The following COA6 variants were observed in gnomAD, a reference collection of about 807,000 sequenced individuals.
COA6 encodes the protein cytochrome c oxidase assembly factor 6.
Under a neutral mutation model 17.1 loss-of-function variants are expected in COA6, and 12 were observed. The ratio of observed to expected loss-of-function variants is 0.70; its 90% CI spans 0.45 to 1.14. The LOEUF (loss-of-function observed/expected upper bound fraction) is 1.14. COA6 is among the 50% of genes most tolerant of loss of function. COA6 has a pLI of 0.00. For synonymous variants in COA6, 90 were observed against 73.4 expected (o/e 1.23, Z -1.16); for missense variants, 246 against 196.5 (o/e 1.25, Z -1.51).
chr1:234,377,713 A>G (rs1658850368), intron 2 of COA6, among the ~76,000 whole-genome samples: 1 of 152,182 alleles, frequency 6.6e-6, no homozygotes, highest in Non-Finnish European at 1.5e-5. Flanking sequence ...TGTGCCTGCC[A>G]GTCATTGGCA....
In COA6 at chr1:234,380,602, T is replaced by A. The variant is rs924068191; in HGVS notation, c.373-3121T>A. Among the ~76,000 whole-genome samples, 3 of 152,358 alleles carry A rather than the reference T, an allele frequency of 2.0e-5. No individual in the cohort carries two copies. The East Asian group carries it at 5.8e-4, about 29-fold the overall frequency. On this transcript the variant is annotated intron_variant, in intron 2 of 2. Coordinates refer to ENST00000366615, the MANE Select transcript of COA6 (RefSeq NM_001206641.3). ...ATCCCAAAACACCAAAAATACATGC[T>A]TATTACAAAATAAATATGCCATACA...
At chr1:234,376,264 TC>T (rs11285466) in intron 2 of COA6, among the ~76,000 whole-genome samples, 70,296 of 151,876 alleles carry the variant, frequency 0.46, 17,969 homozygotes, top group African/African-American at 0.68. Context: ...CTCCCACACT[TC>T]CGGGGCAGCT....
Position 234,374,288 on chromosome 1 carries a change from G to T in COA6, c.271G>T (p.Ala91Ser), listed in dbSNP as rs779445784. 11 of 1,613,990 alleles carry T rather than the reference G, an allele frequency of 6.8e-6. No homozygotes were observed. Among genetic ancestry groups the T allele is most frequent in the Non-Finnish European group, 9.3e-6 (11 of 1,180,006 alleles). Reference protein sequence around the residue: ...SMKERQVCWGARDEYWKCLDE... With the variant: ...SMKERQVCWGSRDEYWKCLDE... ...GAAGGAAAGACAGGTCTGCTGGGGG[G>T]CCCGGGATGAGTACTGGAAGTGTTT... The change falls in exon 2 of 3, where the codon GCC becomes TCC. Residue 91 changes from alanine to serine, a missense_variant. Physicochemically the swap from Ala to Ser is moderately conservative, Grantham distance 99. Transcript: ENST00000366615.
chr1:234,375,956 C>G (rs1294516010), intron 2 of COA6, among the ~76,000 whole-genome samples: 1 of 152,170 alleles, frequency 6.6e-6, no homozygotes, highest in Non-Finnish European at 1.5e-5. Context: ...CACGTCTGGC[C>G]AGGCATTGCT....
intron 1 of COA6, chr1:234,373,889 G>T (rs2103015040): frequency 1.3e-6 from 2 of 1,584,140 alleles, no homozygotes; most frequent in South Asian, 2.2e-5. Context: ...CCGCTTTACT[G>T]GTGGGAAACG....
chr1:234,374,481 C>T, intron 2 of COA6, 92 bp downstream of exon 2: 1 of 1,303,514 alleles, frequency 7.7e-7, no homozygotes, highest in Non-Finnish European at 1.1e-6. Flanking sequence ...CTCTCTGAGG[C>T]ATGTCAATTA....
chr1:234,383,168 C>T (rs1412454451), intron 2 of COA6, among the ~76,000 whole-genome samples: 2 of 151,982 alleles, frequency 1.3e-5, no homozygotes, highest in East Asian at 1.9e-4. Context: ...ACTCTGAACT[C>T]GCCAGCAAGC....
chr1:234,379,363 C>T (rs1022509268), intron 2 of COA6, among the ~76,000 whole-genome samples: 2 of 151,952 alleles, frequency 1.3e-5, no homozygotes, highest in African/African-American at 4.8e-5. Flanking sequence ...ATGGGATTCT[C>T]ACAATTGGAA....
At chr1:234,378,978 C>T (rs959582526) in intron 2 of COA6, among the ~76,000 whole-genome samples, 1 of 149,662 alleles carries the variant, frequency 6.7e-6, no homozygotes, top group African/African-American at 2.5e-5. Flanking sequence ...AGCCAAGAGA[C>T]GGGAGGCCAG....
chr1:234,381,519 G>C (rs546283051), intron 2 of COA6, among the ~76,000 whole-genome samples: 2 of 152,214 alleles, frequency 1.3e-5, no homozygotes, highest in East Asian at 1.9e-4. Flanking sequence ...CAGTGGCCTC[G>C]TTTGTCTTAG....
rs73099933 is a variant in COA6 at position 234,374,226 on chromosome 1, A to C, written c.213-4A>C. ...TTAATCTCAAATATTATTTTGGCCAACAGCTTCATCGCAGTAGGAATGGCA... is the reference window on the plus strand; with the variant it reads ...TTAATCTCAAATATTATTTTGGCCACCAGCTTCATCGCAGTAGGAATGGCA... On this transcript the variant is annotated splice_polypyrimidine_tract_variant and splice_region_variant and intron_variant, in intron 1 of 2. Coordinates refer to ENST00000366615, the MANE Select transcript of COA6 (RefSeq NM_001206641.3). 2 of 1,605,464 alleles carry C rather than the reference A, an allele frequency of 1.2e-6. No individual in the cohort carries two copies. The highest frequency in any genetic ancestry group is 1.3e-5 in the African/African-American group (1 of 74,108).
In COA6 at chr1:234,374,402, T is replaced by G. The variant is rs755761145; in HGVS notation, c.372+13T>G. ...TCCCCAACAGTGGGTAAGTCACACT[T>G]TGATGTGTTTCTCTTCCCTGTTAAG... On this transcript the variant is annotated intron_variant, in intron 2 of 2. Transcript: ENST00000366615. 6 of 1,613,464 alleles carry G rather than the reference T, an allele frequency of 3.7e-6. No individual in the cohort carries two copies. The highest frequency in any genetic ancestry group is 1.3e-5 in the African/African-American group (1 of 74,896).
At chr1:234,381,026 T>C (rs546543019) in intron 2 of COA6, among the ~76,000 whole-genome samples, 1 of 152,152 alleles carries the variant, frequency 6.6e-6, no homozygotes, top group Admixed American at 6.6e-5. Context: ...AAGGCTCCTA[T>C]TGTTCCTAAC....
At chr1:234,373,881 G>T (rs1223985274) in intron 1 of COA6, 1 of 1,595,696 alleles carries the variant, frequency 6.3e-7, no homozygotes. Flanking sequence ...TGCTGTCCCC[G>T]CTTTACTGGT....
chr1:234,380,310 G>T (rs148355412), intron 2 of COA6, among the ~76,000 whole-genome samples: 2 of 152,236 alleles, frequency 1.3e-5, no homozygotes, highest in Non-Finnish European at 2.9e-5. Context: ...TCTCTTTTGA[G>T]TGCATTCTGA....
chr1:234,377,158 ACT>A (rs1321245983), intron 2 of COA6, among the ~76,000 whole-genome samples: 1 of 115,598 alleles, frequency 8.7e-6, no homozygotes. Flanking sequence ...ACAGAGTCTC[ACT>A]CTGTCACCCA....
intron 1 of COA6, chr1:234,373,898 C>T: frequency 6.4e-7 from 1 of 1,573,178 alleles, no homozygotes; most frequent in Non-Finnish European, 8.7e-7. Context: ...TGGTGGGAAA[C>T]GGGCTCGGAG....
At chr1:234,375,054 C>G (rs1658751366) in intron 2 of COA6, among the ~76,000 whole-genome samples, 1 of 150,986 alleles carries the variant, frequency 6.6e-6, no homozygotes. Flanking sequence ...CTTTGGGAGG[C>G]TGAGGCGGGC....
intron 2 of COA6, among the ~76,000 whole-genome samples, chr1:234,377,059 CGAGAGAGAGAGAGAGAGAGAGAGAGA>C (rs71170479): frequency 2.4e-5 from 2 of 82,640 alleles, no homozygotes; most frequent in Non-Finnish European, 4.7e-5. Flanking sequence ...GCTGTGTTGC[CGAGAGAGAGAGAGAGAGAGAGAGAGA>C]GAGAGAGAGA....
Sources: allele counts gnomAD v4.1 joint callset (sites outside exome capture counted in the v4.1 genomes callset), GRCh38; gene constraint gnomAD v4.1.1; transcripts MANE v1.5; gene names NCBI Gene and HGNC (gene_info 2026-07-23, HGNC 2026-07-21).